The following LONP2 variants were observed in gnomAD, a reference collection of about 807,000 sequenced individuals.
LONP2 encodes lon protease homolog 2, peroxisomal.
LONP2 carries 60 observed loss-of-function variants against 85.6 expected under a neutral mutation model. The ratio of observed to expected loss-of-function variants is 0.70; its 90% CI spans 0.57 to 0.87. LONP2 has a LOEUF of 0.87. Ranked by LOEUF, LONP2 falls within the 40% of genes least tolerant of loss-of-function variation. The probability of loss-of-function intolerance (pLI) is 0.00; values close to 1 mark genes in which losing one functional copy is unlikely to be tolerated. For synonymous variants in LONP2, 395 were observed against 389.7 expected (o/e 1.01, Z -0.16); for missense variants, 860 against 1,063.5 (o/e 0.81, Z 2.66).
At chr16:48,298,902 CTT>C (rs914507785) in intron 9 of LONP2, among the ~76,000 whole-genome samples, 3 of 144,432 alleles carry the variant, frequency 2.1e-5, no homozygotes, top group Non-Finnish European at 1.5e-5. Context: ...ATTTCTTTTT[CTT>C]TTTTTTTTTG....
chr16:48,293,403 G>A (rs1411250391), intron 8 of LONP2, among the ~76,000 whole-genome samples: 12 of 152,196 alleles, frequency 7.9e-5, no homozygotes, highest in African/African-American at 2.6e-4. Context: ...ACTCTAGCCT[G>A]GGCGAAAGAA....
chr16:48,360,530 A>T (rs886750567), downstream of LONP2: 1 of 152,628 alleles, frequency 6.6e-6, no homozygotes, highest in Non-Finnish European at 1.5e-5. Context: ...ACACAGTAAG[A>T]TTTTTTTAAT....
chr16:48,322,516 C>T (rs1465030504), intron 11 of LONP2, among the ~76,000 whole-genome samples: 1 of 152,056 alleles, frequency 6.6e-6, no homozygotes, highest in Non-Finnish European at 1.5e-5. Flanking sequence ...GAAGGACCTG[C>T]CTGAGGCTGT....
At chr16:48,269,811 G>A (rs375629215) in intron 6 of LONP2, among the ~76,000 whole-genome samples, 4 of 152,060 alleles carry the variant, frequency 2.6e-5, no homozygotes, top group African/African-American at 9.7e-5. Context: ...ATTGTGTAGT[G>A]CCTACTATCT....
At chr16:48,301,669 C>T (rs975197730) in intron 10 of LONP2, among the ~76,000 whole-genome samples, 1 of 152,154 alleles carries the variant, frequency 6.6e-6, no homozygotes, top group African/African-American at 2.4e-5. Flanking sequence ...TTCTCACCAT[C>T]TTGGCCAGGC....
chr16:48,258,837 C>A, intron 4 of LONP2, 97 bp downstream of exon 4: 2 of 1,115,722 alleles, frequency 1.8e-6, no homozygotes, highest in Non-Finnish European at 2.4e-6. Context: ...CTACCACTCG[C>A]ACTACTGATA....
intron 12 of LONP2, among the ~76,000 whole-genome samples, chr16:48,338,328 C>T (rs1328415962): frequency 4.6e-5 from 7 of 152,174 alleles, no homozygotes; most frequent in Admixed American, 4.6e-4. Context: ...AACAAATAAT[C>T]ACAAATTGAA....
downstream of LONP2, among the ~76,000 whole-genome samples, chr16:48,358,440 T>C (rs965970236): frequency 5.3e-5 from 8 of 152,168 alleles, no homozygotes; most frequent in African/African-American, 1.9e-4. Flanking sequence ...TTTTCCAAGA[T>C]TATTAAAGTG....
chr16:48,309,263 C>G (rs1451607776), intron 11 of LONP2, among the ~76,000 whole-genome samples: 1 of 152,076 alleles, frequency 6.6e-6, no homozygotes, highest in East Asian at 1.9e-4. Context: ...AAAAATAGAA[C>G]CGTCATTTGA....
rs1959554962 is a variant in LONP2 at position 48,334,008 on chromosome 16, A to G, written c.1796-208A>G. The stretch of plus-strand genomic sequence containing the variant: ...CAAGTAAAAGTAATTGAACAAGGCA[A>G]TTGCAAATACCACCCTCGGTGAGCT... On this transcript the variant is annotated intron_variant, in intron 11 of 14. Transcript: ENST00000285737. Among the ~76,000 whole-genome samples, 6 of 152,240 alleles carry G rather than the reference A, an allele frequency of 3.9e-5. No individual in the cohort carries two copies. In the South Asian group the frequency reaches 1.2e-3, roughly 31 times the overall value.
At position 48,351,821 on chromosome 16, in the gene LONP2, T is replaced by C. The variant is rs758664318; in HGVS notation, c.*19T>C. The C allele has an allele frequency of 2.3e-5, 37 of 1,605,702 alleles. No homozygotes were observed. The African/African-American group carries it at 4.8e-4, about 21-fold the overall frequency. On this transcript the variant is annotated 3_prime_UTR_variant, in exon 15 of 15. Coordinates refer to ENST00000285737, the MANE Select transcript of LONP2 (RefSeq NM_031490.5). ...ACTGTAGGTCCAAATCTCAATTTTTTAGAATTTTAAGTTATGAAGTGCTCA... is the reference window on the plus strand; with the variant it reads ...ACTGTAGGTCCAAATCTCAATTTTTCAGAATTTTAAGTTATGAAGTGCTCA...
chr16:48,290,769 G>T (rs1972543683), intron 8 of LONP2, among the ~76,000 whole-genome samples: 1 of 152,116 alleles, frequency 6.6e-6, no homozygotes, highest in African/African-American at 2.4e-5. Context: ...TTTAATGGAG[G>T]CCTTGTCACA....
At chr16:48,332,929 A>AG in intron 11 of LONP2, among the ~76,000 whole-genome samples, 1 of 151,904 alleles carries the variant, frequency 6.6e-6, no homozygotes, top group African/African-American at 2.4e-5. Flanking sequence ...ATAGATAGAC[A>AG]ATGTTAGATA....
chr16:48,350,683 C>T (rs958945477), intron 14 of LONP2, among the ~76,000 whole-genome samples: 1 of 152,214 alleles, frequency 6.6e-6, no homozygotes, highest in Non-Finnish European at 1.5e-5. Flanking sequence ...CTTCAAGTTC[C>T]TGTGGGCCAG....
intron 9 of LONP2, among the ~76,000 whole-genome samples, chr16:48,297,634 A>C (rs1295329323): frequency 6.6e-6 from 1 of 152,148 alleles, no homozygotes; most frequent in Non-Finnish European, 1.5e-5. Context: ...TTCTAAATGT[A>C]ATCTAAATGT....
intron 8 of LONP2, among the ~76,000 whole-genome samples, chr16:48,285,215 T>C (rs1972413803): frequency 6.6e-6 from 1 of 152,140 alleles, no homozygotes; most frequent in African/African-American, 2.4e-5. Context: ...CTGTTAAGCT[T>C]GTGGCGGATC....
chr16:48,351,576 T>C lies in LONP2; in HGVS notation c.2338-5T>C, dbSNP rs920310987. 1 of 1,613,388 alleles carries C rather than the reference T, an allele frequency of 6.2e-7. No individual in the cohort carries two copies. Among genetic ancestry groups the C allele is most frequent in the African/African-American group, 1.3e-5 (1 of 74,964 alleles). ...AACCCTAAAAACTTTTTTCTCTCCTTACAGGTGGGTGGAATTAAAGACAAA... is the reference window on the plus strand; with the variant it reads ...AACCCTAAAAACTTTTTTCTCTCCTCACAGGTGGGTGGAATTAAAGACAAA... On this transcript the variant is annotated splice_polypyrimidine_tract_variant and splice_region_variant and intron_variant, in intron 14 of 14. Transcript: ENST00000285737.
intron 2 of LONP2, among the ~76,000 whole-genome samples, chr16:48,253,469 CAA>C (rs77220864): frequency 2.3e-4 from 26 of 115,430 alleles, no homozygotes; most frequent in East Asian, 2.5e-4. Context: ...GACCCTGACT[CAA>C]AAAAAAAAAA....
intron 11 of LONP2, among the ~76,000 whole-genome samples, chr16:48,325,922 C>T (rs1567342987): frequency 6.6e-6 from 1 of 152,198 alleles, no homozygotes; most frequent in Non-Finnish European, 1.5e-5. Context: ...CTACAGGTGG[C>T]TTTTCTAGAC....
Sources: allele counts gnomAD v4.1 joint callset (sites outside exome capture counted in the v4.1 genomes callset), GRCh38; gene constraint gnomAD v4.1.1; transcripts MANE v1.5; gene names NCBI Gene and HGNC (gene_info 2026-07-23, HGNC 2026-07-21).